The following CCDC181 variants were observed in gnomAD, a reference collection of about 807,000 sequenced individuals.
CCDC181 encodes coiled-coil domain containing 181.
A neutral mutation model predicts 58.7 loss-of-function variants in CCDC181; 35 were observed. The observed-to-expected ratio is 0.60, with a 90% CI of 0.46 to 0.79. The LOEUF (loss-of-function observed/expected upper bound fraction) is 0.79. CCDC181 is among the 30% of genes least tolerant of loss of function. The pLI, the probability that CCDC181 is intolerant of heterozygous loss-of-function variation, is 0.00. For missense variants in CCDC181, 517 were observed against 583.9 expected, an observed-to-expected ratio of 0.89 and a Z score of 1.18; for synonymous variants, 183 against 197.5, an observed-to-expected ratio of 0.93 and a Z score of 0.62.
chr1:169,422,244 T>C lies in CCDC181; in HGVS notation c.187A>G (p.Lys63Glu). The stretch of plus-strand genomic sequence containing the variant: ...GATTTGTCAGGATCAGAATGCCGTT[T>C]GGTGTGCTCCATTACTGTCTCATTC... The part of the protein sequence containing the change: ...KENETVMEHT[K>E]RHSDPDKSLQ... The change falls in exon 3 of 6, where the codon AAA becomes GAA. Residue 63 changes from lysine to glutamate, a missense_variant. Coordinates refer to ENST00000367806, the MANE Select transcript of CCDC181 (RefSeq NM_001300969.2). 6.2e-7 allele frequency: 1 copy of C among 1,612,490 alleles called. No homozygotes were observed. Among genetic ancestry groups the C allele is most frequent in the Non-Finnish European group, 8.5e-7 (1 of 1,178,846 alleles).
Position 169,424,882 on chromosome 1 carries a change from C to T in CCDC181, c.46G>A (p.Glu16Lys), listed in dbSNP as rs375735868. The change falls in exon 2 of 6, where the codon GAA (glutamate) becomes AAA (lysine). Residue 16 changes from glutamate to lysine, a missense_variant. Coordinates refer to ENST00000367806, the MANE Select transcript of CCDC181 (RefSeq NM_001300969.2). Reference protein sequence around the residue: ...DTDSKKSEEYEDDFEKDLEWL... With the variant: ...DTDSKKSEEYKDDFEKDLEWL... ...TCCAGGTCCTTTTCAAAGTCATCTT[C>T]GTATTCTTCACTTTTCTTTGAATCA... is the stretch of plus-strand genomic sequence containing the variant. 132 of 1,607,172 alleles carry T rather than the reference C, an allele frequency of 8.2e-5. No homozygotes were observed. The highest frequency in any genetic ancestry group is 1.6e-4 in the East Asian group (7 of 44,708).
At position 169,397,265 on chromosome 1, in the gene CCDC181, T is replaced by G. The variant is rs1655099711; in HGVS notation, c.1342A>C (p.Thr448Pro). 2 of 1,605,808 alleles carry G rather than the reference T, an allele frequency of 1.2e-6. No homozygotes were observed. Among genetic ancestry groups the G allele is most frequent in the African/African-American group, 2.7e-5 (2 of 74,488 alleles). ...TTAAAGGCCCTTTCCCGGCCTTCTG[T>G]TCCTTTAAGGAAGAATAAACATTCC... is the stretch of plus-strand genomic sequence containing the variant. Reference protein sequence around the residue: ...QEECLFFLKGTEGRERAFKQW... With the variant: ...QEECLFFLKGPEGRERAFKQW... The change falls in exon 5 of 6, where the codon ACA becomes CCA. Residue 448 changes from threonine to proline, a missense_variant. Transcript: ENST00000367806.
chr1:169,422,483 G>A (rs1656525760), intron 2 of CCDC181, among the ~76,000 whole-genome samples, 170 bp from the exon 3 acceptor site: 1 of 151,954 alleles, frequency 6.6e-6, no homozygotes, highest in African/African-American at 2.4e-5. Flanking sequence ...AGTATCCAAG[G>A]GAAATAATGT....
chr1:169,441,684 A>C (rs1184984743), intron 2 of CCDC181, among the ~76,000 whole-genome samples: 1 of 151,946 alleles, frequency 6.6e-6, no homozygotes, highest in Non-Finnish European at 1.5e-5. Context: ...GTTCTTATTC[A>C]AGGACTTTTC....
intron 2 of CCDC181, among the ~76,000 whole-genome samples, chr1:169,440,425 C>T (rs1038921021): frequency 5.9e-5 from 9 of 152,232 alleles, no homozygotes; most frequent in African/African-American, 2.2e-4. Flanking sequence ...GAGTAATTCA[C>T]ACAGAGCCGG....
intron 4 of CCDC181, among the ~76,000 whole-genome samples, chr1:169,412,331 C>T (rs1262396145): frequency 6.6e-6 from 1 of 152,076 alleles, no homozygotes; most frequent in African/African-American, 2.4e-5. Flanking sequence ...TGTGAAGGAC[C>T]TCTTCAAGGA....
chr1:169,426,738 C>CA (rs1656727201), intron 1 of CCDC181, among the ~76,000 whole-genome samples: 1 of 152,152 alleles, frequency 6.6e-6, no homozygotes, highest in Non-Finnish European at 1.5e-5. Context: ...AGTACTTAAG[C>CA]AAAAACTAAT....
intron 2 of CCDC181, among the ~76,000 whole-genome samples, chr1:169,423,427 GCTTTT>G (rs59033689): frequency 0.67 from 100,184 of 150,342 alleles, 33,569 homozygotes; most frequent in East Asian, 0.93. Context: ...CTCTCCTTTA[GCTTTT>G]CTTTTCTTTT....
chr1:169,397,705 A>G (rs182792736), intron 4 of CCDC181, among the ~76,000 whole-genome samples: 4 of 152,334 alleles, frequency 2.6e-5, no homozygotes, highest in South Asian at 2.1e-4. Flanking sequence ...TTAACATAAG[A>G]AAAAGCTAGT....
intron 5 of CCDC181, 66 bp downstream of exon 5, chr1:169,397,171 G>T: frequency 2.2e-6 from 3 of 1,353,740 alleles, no homozygotes; most frequent in Non-Finnish European, 2.0e-6. Context: ...AATCTTAATT[G>T]ATGATATAAC....
chr1:169,411,646 A>C (rs1655967567), intron 4 of CCDC181, among the ~76,000 whole-genome samples: 1 of 152,180 alleles, frequency 6.6e-6, no homozygotes, highest in African/African-American at 2.4e-5. Flanking sequence ...ATAAAATACC[A>C]GCAAACCAAA....
At chr1:169,405,206 C>T (rs553551025) in intron 4 of CCDC181, among the ~76,000 whole-genome samples, 10 of 152,248 alleles carry the variant, frequency 6.6e-5, no homozygotes, top group Middle Eastern at 6.8e-3. Flanking sequence ...TAGTAAGAAT[C>T]AATATCGTGA....
chr1:169,416,586 T>C (rs765228119), intron 4 of CCDC181, among the ~76,000 whole-genome samples: 4 of 152,204 alleles, frequency 2.6e-5, no homozygotes, highest in Non-Finnish European at 5.9e-5. Flanking sequence ...TTATCCGCAT[T>C]TTATTAGGAA....
chr1:169,424,838 A>G lies in CCDC181; in HGVS notation c.90T>C (p.Asn30=), dbSNP rs1414578156. The G allele has an allele frequency of 6.3e-7, 1 of 1,599,610 alleles. No individual in the cohort carries two copies. Among genetic ancestry groups the G allele is most frequent in the Non-Finnish European group, 8.5e-7 (1 of 1,170,058 alleles). ...EKDLEWLINE[N]EKSDASIIEM... is the part of the protein sequence containing the mutation. ...CTATTATGCTGGCATCACTTTTTTCATTTTCATTAATTAACCACTCCAGGT... is the reference window on the plus strand; with the variant it reads ...CTATTATGCTGGCATCACTTTTTTCGTTTTCATTAATTAACCACTCCAGGT... The change falls in exon 2 of 6, where the codon AAT becomes AAC. Residue 30 remains asparagine, a synonymous_variant. Transcript: ENST00000367806.
Position 169,395,020 on chromosome 1 carries a change from G to A in CCDC181, c.*27C>T. ...CATATCCAAAATTTTGATAGCAGCT[G>A]CCCACTGAAATATTTAATAGAAACT... On this transcript the variant is annotated 3_prime_UTR_variant, in exon 6 of 6. Transcript: ENST00000367806. The A allele has an allele frequency of 6.4e-7, 1 of 1,555,120 alleles. No individual in the cohort carries two copies. The highest frequency in any genetic ancestry group is 8.7e-7 in the Non-Finnish European group (1 of 1,151,566).
intron 4 of CCDC181, among the ~76,000 whole-genome samples, chr1:169,406,807 C>A (rs1270792220): frequency 2.0e-5 from 3 of 150,236 alleles, no homozygotes; most frequent in Non-Finnish European, 3.0e-5. Context: ...AGAAAAAAAA[C>A]CCACCACAAA....
At chr1:169,435,247 C>G (rs1571506930) in intron 2 of CCDC181, among the ~76,000 whole-genome samples, 1 of 151,974 alleles carries the variant, frequency 6.6e-6, no homozygotes, top group South Asian at 2.1e-4. Context: ...TTGTATAATT[C>G]CATTAATATG....
At chr1:169,446,369 A>G (rs992647194) in intron 2 of CCDC181, among the ~76,000 whole-genome samples, 2 of 152,100 alleles carry the variant, frequency 1.3e-5, no homozygotes, top group Non-Finnish European at 2.9e-5. Flanking sequence ...GCTTGAACCC[A>G]GGAGGCAGAG....
rs1431798881 is a variant in CCDC181 at position 169,399,977 on chromosome 1, CAT to C, written c.1216-2588_1216-2587del. 3.3e-5 allele frequency among the ~76,000 whole-genome samples: 5 copies of C among 152,252 alleles called. No individual in the cohort carries two copies. In the East Asian group the frequency reaches 9.6e-4, roughly 29 times the overall value. ...GGCAGGGTACTAGAAATGAAGCAGT[CAT>C]GTGGAGGGATGCTCCAAGAGTCTGT... On this transcript the variant is annotated intron_variant, in intron 4 of 5. Transcript: ENST00000367806.
Sources: gnomAD v4.1 joint callset for allele counts (sites outside exome capture counted in the v4.1 genomes callset) on GRCh38, gnomAD v4.1.1 for gene constraint, MANE v1.5 for transcripts, NCBI Gene and HGNC (gene_info 2026-07-23, HGNC 2026-07-21) for gene names.